The following NELL1 variants were observed in gnomAD, a reference collection of about 807,000 sequenced individuals.
NELL1 encodes the protein protein kinase C-binding protein NELL1.
In NELL1, 76 loss-of-function variants were observed where a neutral mutation model predicts 107.4. The observed-to-expected ratio is 0.71, with a 90% confidence interval of 0.59 to 0.86. The LOEUF is 0.86. NELL1 is among the 40% of genes least tolerant of loss of function. The pLI, the probability that NELL1 is intolerant of heterozygous loss-of-function variation, is 0.00. For missense variants in NELL1, 1,024 were observed against 1,005.5 expected (o/e 1.02, Z -0.25); for synonymous variants, 353 against 341.2 (o/e 1.03, Z -0.38).
intron 17 of NELL1, among the ~76,000 whole-genome samples, chr11:21,569,365 T>G (rs1271871762): frequency 1.3e-5 from 2 of 151,942 alleles, no homozygotes; most frequent in East Asian, 1.9e-4. Flanking sequence ...ACATTCGCAT[T>G]CCACAAATTA....
chr11:20,835,825 C>G (rs1848524930), intron 3 of NELL1, among the ~76,000 whole-genome samples: 1 of 151,916 alleles, frequency 6.6e-6, no homozygotes, highest in African/African-American at 2.4e-5. Context: ...TGTAAAAATC[C>G]TAAAAGAAAA....
chr11:21,274,763 C>T (rs1379474117), intron 14 of NELL1, among the ~76,000 whole-genome samples: 1 of 152,190 alleles, frequency 6.6e-6, no homozygotes, highest in Non-Finnish European at 1.5e-5. Context: ...AACCGCTCAA[C>T]TACATGGAAA....
chr11:20,706,107 G>A (rs924187186), intron 2 of NELL1, among the ~76,000 whole-genome samples: 5 of 152,170 alleles, frequency 3.3e-5, no homozygotes, highest in Non-Finnish European at 7.3e-5. Context: ...AGACAGTGTG[G>A]CGATTCCTCA....
At chr11:21,038,735 A>C (rs1303496563) in intron 12 of NELL1, among the ~76,000 whole-genome samples, 1 of 152,198 alleles carries the variant, frequency 6.6e-6, no homozygotes, top group Non-Finnish European at 1.5e-5. Flanking sequence ...GGGGTAGATT[A>C]GCTCAACTCA....
At position 21,575,108 on chromosome 11, in the gene NELL1, T is replaced by A. The variant is rs1283918892; in HGVS notation, c.*86T>A. On this transcript the variant is annotated 3_prime_UTR_variant, in exon 20 of 20. Coordinates refer to ENST00000357134, the MANE Select transcript of NELL1 (RefSeq NM_006157.5). ...GATAGGAATCGGTAGTTTGGTTTTT[T>A]TGTTTGTTTTGTTTTTTTAACCACA... 4 of 1,214,206 alleles carry A rather than the reference T, an allele frequency of 3.3e-6. No individual in the cohort carries two copies. Among genetic ancestry groups the A allele is most frequent in the Non-Finnish European group, 4.8e-6 (4 of 828,776 alleles). The allele number at this position is 1,214,206 out of a possible 1,614,324, so 75.2% of individuals were successfully genotyped here.
chr11:20,705,195 A>G (rs1260548472), intron 2 of NELL1, among the ~76,000 whole-genome samples: 3 of 152,290 alleles, frequency 2.0e-5, no homozygotes, highest in South Asian at 2.1e-4. Flanking sequence ...AAAAGAGCCC[A>G]CATTGCCAAG....
chr11:20,696,952 T>A (rs1372593650), intron 2 of NELL1, among the ~76,000 whole-genome samples: 1 of 152,166 alleles, frequency 6.6e-6, no homozygotes, highest in African/African-American at 2.4e-5. Context: ...TAAACACTGT[T>A]TAAACAGTTG....
intron 15 of NELL1, among the ~76,000 whole-genome samples, chr11:21,385,563 T>C (rs1284756710): frequency 1.3e-5 from 2 of 151,882 alleles, no homozygotes; most frequent in African/African-American, 2.4e-5. Flanking sequence ...AAACCACTCA[T>C]ATTTGTTTTA....
At chr11:21,152,164 G>A (rs147676907) in intron 13 of NELL1, among the ~76,000 whole-genome samples, 166 of 152,306 alleles carry the variant, frequency 1.1e-3, no homozygotes, top group African/African-American at 3.8e-3. Flanking sequence ...GCAATGGAAT[G>A]CAGGGGGTGG....
chr11:20,747,238 T>C (rs1050232286), intron 2 of NELL1, among the ~76,000 whole-genome samples: 2 of 152,206 alleles, frequency 1.3e-5, no homozygotes, highest in African/African-American at 2.4e-5. Flanking sequence ...GTTTTGCATG[T>C]TTGGGAATAT....
chr11:21,114,097 G>T (rs571850515), intron 13 of NELL1, among the ~76,000 whole-genome samples: 27 of 152,126 alleles, frequency 1.8e-4, no homozygotes, highest in African/African-American at 6.3e-4. Context: ...CACTGGGAAA[G>T]ACAAGGATTA....
intron 14 of NELL1, among the ~76,000 whole-genome samples, chr11:21,303,658 G>A (rs146348615): frequency 2.3e-3 from 344 of 152,116 alleles, no homozygotes; most frequent in African/African-American, 7.8e-3. Flanking sequence ...TCACTTCTGC[G>A]TAGTTACTCA....
intron 13 of NELL1, among the ~76,000 whole-genome samples, chr11:21,210,470 C>G (rs896050367): frequency 2.0e-5 from 3 of 152,060 alleles, no homozygotes; most frequent in African/African-American, 4.8e-5. Flanking sequence ...TTAGATTTCC[C>G]TAATTGTTAA....
chr11:21,487,233 A>G (rs1050779518), intron 15 of NELL1, among the ~76,000 whole-genome samples: 3 of 152,204 alleles, frequency 2.0e-5, no homozygotes, highest in Non-Finnish European at 4.4e-5. Context: ...GCATCTAGTC[A>G]CCTATAGAGG....
intron 12 of NELL1, among the ~76,000 whole-genome samples, chr11:21,014,550 C>A (rs941668345): frequency 2.0e-5 from 3 of 152,022 alleles, no homozygotes; most frequent in African/African-American, 7.2e-5. Context: ...GTTGATAAAC[C>A]CATAACTCAA....
intron 4 of NELL1, among the ~76,000 whole-genome samples, chr11:20,862,033 G>C (rs557649771): frequency 1.3e-5 from 2 of 152,342 alleles, no homozygotes; most frequent in African/African-American, 4.8e-5. Flanking sequence ...CCGTGCCTGG[G>C]ATGAGTCAGT....
chr11:21,372,878 T>C (rs1005825789), intron 15 of NELL1, among the ~76,000 whole-genome samples: 4 of 152,084 alleles, frequency 2.6e-5, no homozygotes, highest in African/African-American at 9.7e-5. Flanking sequence ...ATTTGTCCTT[T>C]GTCCTTTTCT....
At chr11:20,836,583 AC>A (rs1382858531) in intron 3 of NELL1, among the ~76,000 whole-genome samples, 1 of 151,744 alleles carries the variant, frequency 6.6e-6, no homozygotes, top group East Asian at 1.9e-4. Flanking sequence ...ATAAAAAAAA[AC>A]AACGCATGAT....
intron 12 of NELL1, among the ~76,000 whole-genome samples, chr11:21,012,380 G>A (rs1590538533): frequency 6.6e-6 from 1 of 152,012 alleles, no homozygotes; most frequent in Non-Finnish European, 1.5e-5. Flanking sequence ...TTTCTCCCCA[G>A]TTAGGGCCAT....
Sources: allele counts gnomAD v4.1 joint callset (sites outside exome capture counted in the v4.1 genomes callset), GRCh38; gene constraint gnomAD v4.1.1; transcripts MANE v1.5; gene names NCBI Gene and HGNC (gene_info 2026-07-23, HGNC 2026-07-21).